The following GMDS variants were observed in gnomAD, a reference collection of about 807,000 sequenced individuals.
GMDS encodes GDP-mannose 4,6-dehydratase.
In GMDS, 20 loss-of-function variants were observed where a neutral mutation model predicts 49.9. The ratio of observed to expected loss-of-function variants is 0.40; its 90% CI spans 0.28 to 0.58. The LOEUF (loss-of-function observed/expected upper bound fraction) is 0.58, where lower values mean the gene tolerates loss of function less well. GMDS is among the 20% of genes least tolerant of loss of function. GMDS has a pLI of 0.42. For missense variants in GMDS, 362 were observed against 481.4 expected, an observed-to-expected ratio of 0.75 and a Z score of 2.32; for synonymous variants, 177 against 178.6, an observed-to-expected ratio of 0.99 and a Z score of 0.07.
chr6:2,134,722 T>C (rs959837153), intron 1 of GMDS, among the ~76,000 whole-genome samples: 2 of 152,014 alleles, frequency 1.3e-5, no homozygotes, highest in South Asian at 4.1e-4. Flanking sequence ...TGACAGTAGA[T>C]TTGAGTCATA....
chr6:1,847,304 C>T (rs1008547445), intron 7 of GMDS, among the ~76,000 whole-genome samples: 1 of 152,186 alleles, frequency 6.6e-6, no homozygotes, highest in East Asian at 1.9e-4. Flanking sequence ...GATCCTCTTG[C>T]CTTGGCCTCC....
At chr6:1,715,193 T>G (rs1663269224) in intron 9 of GMDS, among the ~76,000 whole-genome samples, 1 of 152,262 alleles carries the variant, frequency 6.6e-6, no homozygotes, top group Non-Finnish European at 1.5e-5. Flanking sequence ...TTTCAAAGGT[T>G]GGATATACAA....
chr6:2,217,392 A>G (rs1048792518), intron 1 of GMDS, among the ~76,000 whole-genome samples: 2 of 152,126 alleles, frequency 1.3e-5, no homozygotes, highest in Non-Finnish European at 2.9e-5. Flanking sequence ...ACAACTTAAT[A>G]TTTATATAGT....
chr6:1,757,736 C>T (rs574385874), intron 7 of GMDS, among the ~76,000 whole-genome samples: 56 of 152,234 alleles, frequency 3.7e-4, no homozygotes, highest in African/African-American at 1.2e-3. Context: ...CATCACAGTG[C>T]GTGCATTAAG....
At chr6:1,802,622 C>T (rs185065783) in intron 7 of GMDS, among the ~76,000 whole-genome samples, 1 of 152,296 alleles carries the variant, frequency 6.6e-6, no homozygotes, top group East Asian at 1.9e-4. Flanking sequence ...CGCTGTTGTT[C>T]GGCAGGAGGT....
intron 4 of GMDS, among the ~76,000 whole-genome samples, chr6:1,978,948 GA>G (rs1765072894): frequency 6.6e-6 from 1 of 152,042 alleles, no homozygotes; most frequent in African/African-American, 2.4e-5. Flanking sequence ...ATAGGTACTG[GA>G]AAAACTGAGG....
intron 1 of GMDS, among the ~76,000 whole-genome samples, chr6:2,207,296 G>C (rs533082981): frequency 1.3e-5 from 2 of 151,868 alleles, no homozygotes; most frequent in Non-Finnish European, 2.9e-5. Flanking sequence ...AAGGCACAGG[G>C]GACATGTCTC....
chr6:1,682,296 A>G (rs1764817553), intron 9 of GMDS, among the ~76,000 whole-genome samples: 1 of 152,244 alleles, frequency 6.6e-6, no homozygotes, highest in South Asian at 2.1e-4. Flanking sequence ...ACTTCATAAC[A>G]CCTTCAGACA....
chr6:1,685,322 G>A lies in GMDS; in HGVS notation c.987+41094C>T, dbSNP rs1032981298. On this transcript the variant is annotated intron_variant, in intron 9 of 10. Transcript: ENST00000380815. ...AGGCTGAGGCCGGAGCCGAGATCAC[G>A]CCACTGCACTCCAGCCTGGGTGACA... Among the ~76,000 whole-genome samples the A allele has an allele frequency of 1.2e-4, 19 of 152,130 alleles. 1 individual carries two copies. The East Asian group carries it at 2.5e-3, about 20-fold the overall frequency.
At chr6:2,122,753 T>C (rs915107778) in intron 2 of GMDS, among the ~76,000 whole-genome samples, 2 of 152,204 alleles carry the variant, frequency 1.3e-5, no homozygotes, top group Non-Finnish European at 1.5e-5. Context: ...AGAGCTCACA[T>C]TTCCCCTGGA....
chr6:1,769,837 G>A (rs1768507781), intron 7 of GMDS, among the ~76,000 whole-genome samples: 3 of 151,972 alleles, frequency 2.0e-5, no homozygotes, highest in Admixed American at 6.5e-5. Context: ...AGTGATTCTC[G>A]TGCCTCAGCC....
intron 1 of GMDS, among the ~76,000 whole-genome samples, chr6:2,197,084 T>C (rs28515035): frequency 0.083 from 12,699 of 152,242 alleles, 1,769 homozygotes; most frequent in African/African-American, 0.29. Context: ...AATTTAAGTT[T>C]CAATAATGTC....
intron 4 of GMDS, among the ~76,000 whole-genome samples, chr6:2,060,483 A>T (rs1222423087): frequency 6.6e-6 from 1 of 152,180 alleles, no homozygotes; most frequent in Non-Finnish European, 1.5e-5. Flanking sequence ...GGCACCTACG[A>T]TGGGCCACCA....
intron 4 of GMDS, among the ~76,000 whole-genome samples, chr6:2,107,919 T>G (rs138290682): frequency 2.0e-3 from 304 of 152,360 alleles, no homozygotes; most frequent in Non-Finnish European, 3.8e-3. Flanking sequence ...TAAGGAATCT[T>G]TATTATTTGA....
intron 7 of GMDS, among the ~76,000 whole-genome samples, chr6:1,857,263 CA>C (rs1757979537): frequency 6.6e-6 from 1 of 152,172 alleles, no homozygotes. Context: ...TTTCCCACTT[CA>C]AAAAATCACC....
intron 4 of GMDS, among the ~76,000 whole-genome samples, chr6:2,086,733 A>G (rs1397159496): frequency 2.6e-5 from 4 of 152,262 alleles, no homozygotes; most frequent in Admixed American, 2.0e-4. Context: ...CTGGCAGAGA[A>G]TAACACAATG....
chr6:1,649,518 C>A (rs1763586771), intron 9 of GMDS, among the ~76,000 whole-genome samples: 1 of 152,196 alleles, frequency 6.6e-6, no homozygotes, highest in African/African-American at 2.4e-5. Context: ...TCATAATACG[C>A]CATTAAAGCA....
chr6:1,910,447 CAT>C (rs1386359772), intron 7 of GMDS, among the ~76,000 whole-genome samples: 2 of 152,006 alleles, frequency 1.3e-5, no homozygotes, highest in African/African-American at 4.8e-5. Context: ...TTAAAAACAA[CAT>C]AAAGTTTATA....
In GMDS at chr6:1,844,018, C is replaced by T. The variant is rs571283042; in HGVS notation, c.771+86085G>A. Among the ~76,000 whole-genome samples the T allele has an allele frequency of 1.3e-4, 20 of 152,264 alleles. No individual in the cohort carries two copies. In the South Asian group the frequency reaches 4.2e-3, roughly 32 times the overall value. ...CTTCTCACCTTGTTCACAGGGTGCGCTTTCAATGTGAGGATATAAGTAATC... is the reference window on the plus strand; with the variant it reads ...CTTCTCACCTTGTTCACAGGGTGCGTTTTCAATGTGAGGATATAAGTAATC... On this transcript the variant is annotated intron_variant, in intron 7 of 10. Transcript: ENST00000380815.
Sources: gnomAD v4.1 joint callset for allele counts (sites outside exome capture counted in the v4.1 genomes callset) on GRCh38, gnomAD v4.1.1 for gene constraint, MANE v1.5 for transcripts, NCBI Gene and HGNC (gene_info 2026-07-23, HGNC 2026-07-21) for gene names.